XYLT2: variants seen among roughly 807,000 people sequenced by gnomAD.
The protein encoded by XYLT2 is UDP-D-xylose:proteoglycan core protein beta-D-xylosyltransferase.
A neutral mutation model predicts 82.6 loss-of-function variants in XYLT2; 37 were observed. The observed-to-expected ratio is 0.45, with a 90% CI of 0.34 to 0.59. The LOEUF (loss-of-function observed/expected upper bound fraction) is 0.59, where lower values mean the gene tolerates loss of function less well. Ranked by LOEUF, XYLT2 falls within the 20% of genes least tolerant of loss-of-function variation. The probability of loss-of-function intolerance (pLI) is 0.01; values close to 1 mark genes in which losing one functional copy is unlikely to be tolerated. For missense variants in XYLT2, 934 were observed against 1,181.3 expected (o/e 0.79, Z 3.07); for synonymous variants, 474 against 499.0 (o/e 0.95, Z 0.67).
At chr17:50,356,448 C>A in intron 7 of XYLT2, 63 bp from the exon 8 acceptor site, 1 of 1,583,366 alleles carries the variant, frequency 6.3e-7, no homozygotes, top group Non-Finnish European at 8.6e-7. Context: ...GCTGAGGGGC[C>A]AGCCCCACCA....
chr17:50,355,416 GAGA>G, intron 4 of XYLT2, 82 bp from the exon 5 acceptor site: 1 of 1,443,050 alleles, frequency 6.9e-7, no homozygotes, highest in Non-Finnish European at 9.7e-7. Context: ...CAATCAGGCA[GAGA>G]AGAAAAGCCA....
rs921391478 is a variant in XYLT2 at position 50,354,041 on chromosome 17, CAGG to C, written c.550_552del (p.Glu184del). On this transcript the variant is annotated inframe_deletion, in exon 2 of 11. Transcript: ENST00000017003. ...CCGGGCCAGCACCAAGCAGTGCCAG[CAGG>C]AGATCGCCAATGTGGTGTGCCTGCA... is the stretch of plus-strand genomic sequence containing the variant. 1.2e-6 allele frequency: 2 copies of C among 1,608,248 alleles called. No individual in the cohort carries two copies. Among genetic ancestry groups the C allele is most frequent in the South Asian group, 1.1e-5 (1 of 91,088 alleles).
At position 50,353,813 on chromosome 17, in the gene XYLT2, C is replaced by A; in HGVS notation, c.319C>A (p.Arg107=). ...RAVTSRQRAS[R]RVPPAPPPEA... is the part of the protein sequence containing the mutation. ...AGTAACCAGCCGGCAGAGAGCCAGCCGGCGGGTCCCACCTGCCCCACCCCC... is the reference window on the plus strand; with the variant it reads ...AGTAACCAGCCGGCAGAGAGCCAGCAGGCGGGTCCCACCTGCCCCACCCCC... Residue 107 remains arginine (R), a synonymous_variant, in exon 2 of 11, where the codon CGG becomes AGG. Coordinates refer to ENST00000017003, the MANE Select transcript of XYLT2 (RefSeq NM_022167.4). 6.4e-7 allele frequency: 1 copy of A among 1,574,480 alleles called. No individual in the cohort carries two copies. Among genetic ancestry groups the A allele is most frequent in the Non-Finnish European group, 8.6e-7 (1 of 1,161,070 alleles).
At position 50,354,720 on chromosome 17, in the gene XYLT2, G is replaced by C. The variant is rs567400325; in HGVS notation, c.805-134G>C. 10 of 1,522,736 alleles carry C rather than the reference G, an allele frequency of 6.6e-6. No individual in the cohort carries two copies. In the East Asian group the frequency reaches 9.2e-5, roughly 14 times the overall value. The allele number at this position is 1,522,736 out of a possible 1,614,324, so 94.3% of individuals were successfully genotyped here. A position where few individuals can be genotyped will look rare whatever the true frequency, so the allele number is the denominator to read the frequency against. Reference sequence around the variant, plus strand: ...GCCCTGAACAGGGGAGTGGCAGCACGAGCCAGCTCAGCCGCTTAGGGGCTG... The same window carrying C: ...GCCCTGAACAGGGGAGTGGCAGCACCAGCCAGCTCAGCCGCTTAGGGGCTG... On this transcript the variant is annotated intron_variant, in intron 3 of 10. Transcript: ENST00000017003.
rs753451459 is a variant in XYLT2 at position 50,353,651 on chromosome 17, C to T, written c.157C>T (p.Arg53Trp). Residue 53 changes from arginine (R) to tryptophan (W), a missense_variant, in exon 2 of 11, where the codon CGG (arginine) becomes TGG (tryptophan). Arg to Trp is a moderately radical substitution (Grantham distance 101). Transcript: ENST00000017003. Reference protein sequence around the residue: ...AGEKGRQRKPRPLDPGEGSKD... With the variant: ...AGEKGRQRKPWPLDPGEGSKD... Reference sequence around the variant, plus strand: ...ACAGAAAGGAAGGCAGAGGAAGCCACGGCCACTGGACCCTGGCGAGGGTTC... The same window carrying T: ...ACAGAAAGGAAGGCAGAGGAAGCCATGGCCACTGGACCCTGGCGAGGGTTC... The T allele has an allele frequency of 7.7e-6, 12 of 1,565,798 alleles. No homozygotes were observed. The highest frequency in any genetic ancestry group is 1.9e-5 in the Admixed American group (1 of 53,372).
Position 50,360,002 on chromosome 17 carries a change from A to G in XYLT2, c.2309A>G (p.His770Arg). The G allele has an allele frequency of 6.2e-7, 1 of 1,611,740 alleles. No individual in the cohort carries two copies. The highest frequency in any genetic ancestry group is 1.1e-5 in the South Asian group (1 of 90,630). The change falls in exon 11 of 11, where the codon CAC becomes CGC. Residue 770 changes from histidine (H) to arginine (R), a missense_variant. Coordinates refer to ENST00000017003, the MANE Select transcript of XYLT2 (RefSeq NM_022167.4). ...AGCTGGCTGCACGCAGGGCCACCCCACAACGAGTACATGGAGCAGAGTTTC... is the reference window on the plus strand; with the variant it reads ...AGCTGGCTGCACGCAGGGCCACCCCGCAACGAGTACATGGAGCAGAGTTTC... ...DASWLHAGPPHNEYMEQSFQG... is the reference protein window; with the variant it reads ...DASWLHAGPPRNEYMEQSFQG...
At chr17:50,355,146 C>A in intron 4 of XYLT2, 90 bp downstream of exon 4, 1 of 1,370,840 alleles carries the variant, frequency 7.3e-7, no homozygotes, top group Non-Finnish European at 9.9e-7. Flanking sequence ...CCTTCTCTGC[C>A]CCATAAGCGT....
At chr17:50,350,823 T>C (rs1912237055) in intron 1 of XYLT2, among the ~76,000 whole-genome samples, 2 of 152,006 alleles carry the variant, frequency 1.3e-5, no homozygotes, top group African/African-American at 2.4e-5. Flanking sequence ...GAAGATGCCA[T>C]CTGAACAAAG....
intron 1 of XYLT2, among the ~76,000 whole-genome samples, chr17:50,351,320 G>A (rs1165911652): frequency 1.3e-5 from 2 of 152,168 alleles, no homozygotes; most frequent in African/African-American, 2.4e-5. Flanking sequence ...GAGTGGATGT[G>A]GGGTGTGAGG....
chr17:50,358,290 G>A lies in XYLT2; in HGVS notation c.2025G>A (p.Val675=), dbSNP rs749333488. ...GGCCGCTGGACGAGCCTGTGGCCGT[G>A]CAGCGCTGGGCCCGGGGCCCCAACC... ...LLGPLDEPVA[V]QRWARGPNLT... The change falls in exon 10 of 11, where the codon GTG becomes GTA. Residue 675 remains valine (V), a synonymous_variant. Transcript: ENST00000017003. The A allele has an allele frequency of 1.9e-6, 3 of 1,613,706 alleles. No homozygotes were observed. In the East Asian group the frequency reaches 6.7e-5, roughly 36 times the overall value.
Position 50,361,143 on chromosome 17 carries a change from A to C in XYLT2, c.*852A>C, listed in dbSNP as rs185935405. On this transcript the variant is annotated 3_prime_UTR_variant, in exon 11 of 11. Coordinates refer to ENST00000017003, the MANE Select transcript of XYLT2 (RefSeq NM_022167.4). ...TATGCAACAGAAGAAATATATCTCT[A>C]TCTCTCTACTCTGGGCTCTGTGTTT... The C allele has an allele frequency of 8.1e-6, 8 of 985,754 alleles. No homozygotes were observed. The Admixed American group carries it at 1.8e-4, about 23-fold the overall frequency. The allele number at this position is 985,754 out of a possible 1,614,324, so 61.1% of individuals were successfully genotyped here.
rs773672770 is a variant in XYLT2, at chr17:50,354,946, C to T, written c.897C>T (p.Gly299=). ...VTPWRMVTIW[G]GASLLRMYLR... ...CCTGGCGCATGGTTACCATCTGGGG[C>T]GGGGCCAGCCTCCTGAGGATGTACC... The change falls in exon 4 of 11, where the codon GGC becomes GGT. Residue 299 remains glycine, a synonymous_variant. Transcript: ENST00000017003. 7.5e-6 allele frequency: 12 copies of T among 1,592,718 alleles called. No individual in the cohort carries two copies. The highest frequency in any genetic ancestry group is 2.2e-5 in the East Asian group (1 of 44,796).
Position 50,355,946 on chromosome 17 carries a change from G to A in XYLT2, c.1254G>A (p.Pro418=), listed in dbSNP as rs371030442. The A allele has an allele frequency of 7.1e-5, 115 of 1,614,070 alleles. 1 individual carries two copies. The highest frequency in any genetic ancestry group is 1.9e-4 in the South Asian group (17 of 91,092). Residue 418 remains proline (P), a synonymous_variant, in exon 6 of 11, where the codon CCG becomes CCA. Transcript: ENST00000017003. ...AGTATGTGGTGTACACAGATGACCC[G>A]CTTGTGGCCCAGCTGCGCCAGTTCT... The part of the protein sequence containing the change: ...FVEYVVYTDD[P]LVAQLRQFYT...
chr17:50,358,075 T>G, intron 9 of XYLT2, 132 bp from the exon 10 acceptor site: 1 of 802,776 alleles, frequency 1.2e-6, no homozygotes, highest in Non-Finnish European at 2.0e-6. Context: ...GACCCCTTCA[T>G]TTTGCAGATG....
chr17:50,352,371 G>A (rs780481197), intron 1 of XYLT2, among the ~76,000 whole-genome samples: 4 of 152,212 alleles, frequency 2.6e-5, no homozygotes, highest in Non-Finnish European at 5.9e-5. Context: ...ACACCAGCTA[G>A]GTGTCCGTGT....
rs1033180703 is a variant in XYLT2 at position 50,346,521 on chromosome 17, G to C, written c.135+246G>C. On this transcript the variant is annotated intron_variant, in intron 1 of 10. Transcript: ENST00000017003. The surrounding 1 kb of genome is among the most constrained non-coding windows in gnomAD (Gnocchi z 5.1). ...GCCCTGGTGGATTGGGAGTCGGGCG[G>C]GGGGAGCAGGTCATGCTAGGGTGGT... The C allele has an allele frequency of 1.6e-5, 14 of 886,866 alleles. No individual in the cohort carries two copies. The highest frequency in any genetic ancestry group is 3.6e-5 in the African/African-American group (2 of 55,622). The allele number at this position is 886,866 out of a possible 1,614,324, so 54.9% of individuals were successfully genotyped here.
At chr17:50,359,930 T>C in intron 10 of XYLT2, 39 bp from the exon 11 acceptor site, 1 of 1,510,146 alleles carries the variant, frequency 6.6e-7, no homozygotes, top group Non-Finnish European at 8.9e-7. Context: ...ACGGAGTCTG[T>C]TGCAGGGGGT....
chr17:50,350,247 T>G lies in XYLT2; in HGVS notation c.136-3383T>G, dbSNP rs927645985. On this transcript the variant is annotated intron_variant, in intron 1 of 10. Transcript: ENST00000017003. ...TGAATGCTGTGCCTATGCCAAAAGC[T>G]TTGCATTCATTCATTCATTCATTCA... is the stretch of plus-strand genomic sequence containing the variant. 4.2e-5 allele frequency among the ~76,000 whole-genome samples: 3 copies of G among 71,020 alleles called. 1 individual carries two copies. Among genetic ancestry groups the G allele is most frequent in the African/African-American group, 1.4e-4 (3 of 21,590 alleles). 46.6% of individuals were successfully genotyped at this position (71,020 alleles called of 152,430 possible).
In XYLT2 at chr17:50,356,551, C is replaced by G; in HGVS notation, c.1523C>G (p.Ser508Trp). 1.9e-6 allele frequency: 3 copies of G among 1,614,122 alleles called. No homozygotes were observed. Among genetic ancestry groups the G allele is most frequent in the Non-Finnish European group, 2.5e-6 (3 of 1,180,026 alleles). ...RPTFFARKFE[S>W]TVNQEVLEIL... The stretch of plus-strand genomic sequence containing the variant: ...ACCTTCTTCGCCCGGAAGTTCGAGT[C>G]GACTGTGAACCAGGAGGTGCTGGAA... The change falls in exon 8 of 11, where the codon TCG (serine) becomes TGG (tryptophan). Residue 508 changes from serine to tryptophan, a missense_variant. By Grantham distance (177) the Ser-to-Trp change is radical (BLOSUM62 -3). This residue lies in a region of XYLT2 where 189 missense variants were observed against 320.8 expected (regional missense o/e 0.59). Coordinates refer to ENST00000017003, the MANE Select transcript of XYLT2 (RefSeq NM_022167.4).
Sources: gnomAD v4.1 joint callset for allele counts (sites outside exome capture counted in the v4.1 genomes callset) on GRCh38, gnomAD v4.1.1 for gene constraint, gnomAD v4.1.1 regional missense constraint, Gnocchi (gnomAD v3.1) non-coding constraint, MANE v1.5 for transcripts, NCBI Gene and HGNC (gene_info 2026-07-23, HGNC 2026-07-21) for gene names.